The following AP1G1 variants were observed in gnomAD, a reference collection of about 807,000 sequenced individuals.
AP1G1 encodes AP-1 complex subunit gamma-1.
Under a neutral mutation model 108.3 loss-of-function variants are expected in AP1G1, and 7 were observed. The ratio of observed to expected loss-of-function variants is 0.06; its 90% CI spans 0.04 to 0.12. The LOEUF is 0.12. Ranked by LOEUF, AP1G1 falls within the 10% of genes least tolerant of loss-of-function variation. AP1G1 has a pLI of 1.00. For missense variants in AP1G1, 756 were observed against 1,010.7 expected, an observed-to-expected ratio of 0.75 and a Z score of 3.42; for synonymous variants, 379 against 353.5, an observed-to-expected ratio of 1.07 and a Z score of -0.81.
Position 71,780,925 on chromosome 16 carries a change from C to T in AP1G1, c.202-6333G>A, listed in dbSNP as rs143882041. On this transcript the variant is annotated intron_variant, in intron 2 of 22. Transcript: ENST00000299980. The stretch of plus-strand genomic sequence containing the variant: ...GTCAAACTCCTGAGCTCAGGCCATC[C>T]GCCTGCCTCAGCTTCCTAAAGTGCT... Among the ~76,000 whole-genome samples the T allele has an allele frequency of 4.4e-3, 666 of 152,082 alleles. 2 individuals carry two copies. Among genetic ancestry groups the T allele is most frequent in the Middle Eastern group, 0.01 (3 of 294 alleles).
At chr16:71,781,423 C>T (rs542420519) in intron 2 of AP1G1, among the ~76,000 whole-genome samples, 177 of 152,284 alleles carry the variant, frequency 1.2e-3, no homozygotes, top group African/African-American at 4.0e-3. Flanking sequence ...CTTAACATTT[C>T]ACCCTATTTA....
intron 19 of AP1G1, chr16:71,742,335 G>A (rs2029911019): frequency 1.3e-5 from 2 of 151,308 alleles, no homozygotes; most frequent in African/African-American, 4.9e-5. Flanking sequence ...CCTGGCAGAG[G>A]GCTACAAAAT....
rs1156791828 is a variant in AP1G1, at chr16:71,730,280, A to G, written c.*2778T>C. On this transcript the variant is annotated 3_prime_UTR_variant, in exon 23 of 23. Coordinates refer to ENST00000299980, the MANE Select transcript of AP1G1 (RefSeq NM_001128.6). Reference sequence around the variant, plus strand: ...CAGTTTTTTGAGATTACTTAGATGAATTAATTCTCCTTTAGGATTCCCCGG... The same window carrying G: ...CAGTTTTTTGAGATTACTTAGATGAGTTAATTCTCCTTTAGGATTCCCCGG... 1 of 151,768 alleles carries G rather than the reference A, an allele frequency of 6.6e-6. No individual in the cohort carries two copies. The highest frequency in any genetic ancestry group is 2.0e-4 in the East Asian group (1 of 5,076). 9.4% of individuals were successfully genotyped at this position (151,768 alleles called of 1,614,324 possible).
intron 1 of AP1G1, among the ~76,000 whole-genome samples, chr16:71,804,500 C>T (rs763543783): frequency 2.0e-5 from 3 of 151,458 alleles, no homozygotes; most frequent in Non-Finnish European, 2.9e-5. Context: ...CCTCCACCTC[C>T]CTGTTCAAGC....
At chr16:71,806,569 A>C (rs1164862968) in intron 1 of AP1G1, 9 of 558,042 alleles carry the variant, frequency 1.6e-5, no homozygotes, top group Non-Finnish European at 2.7e-6. Context: ...CCAATATATT[A>C]AAGCATGAAA....
At chr16:71,785,669 G>A (rs1326988741) in intron 2 of AP1G1, among the ~76,000 whole-genome samples, 1 of 151,512 alleles carries the variant, frequency 6.6e-6, no homozygotes, top group Non-Finnish European at 1.5e-5. Flanking sequence ...CAGATCACGA[G>A]GTCAGATCGA....
intron 1 of AP1G1, among the ~76,000 whole-genome samples, chr16:71,796,528 G>A (rs2032590012): frequency 6.6e-6 from 1 of 152,074 alleles, no homozygotes. Context: ...CCCCCCTTGT[G>A]AATTACAATA....
chr16:71,740,846 C>A (rs1349021984), intron 19 of AP1G1, among the ~76,000 whole-genome samples: 2 of 152,160 alleles, frequency 1.3e-5, no homozygotes, highest in Non-Finnish European at 2.9e-5. Flanking sequence ...AGAACATCAA[C>A]CCTCTTAATA....
chr16:71,801,124 T>G (rs2032781828), intron 1 of AP1G1, among the ~76,000 whole-genome samples: 1 of 152,212 alleles, frequency 6.6e-6, no homozygotes, highest in East Asian at 1.9e-4. Context: ...CAGGCCAACA[T>G]GGCGAAACCT....
chr16:71,764,455 A>C lies in AP1G1; in HGVS notation c.820-7T>G, dbSNP rs1597058791. 2 of 1,557,770 alleles carry C rather than the reference A, an allele frequency of 1.3e-6. No individual in the cohort carries two copies. Among genetic ancestry groups the C allele is most frequent in the Non-Finnish European group, 1.8e-6 (2 of 1,132,152 alleles). ...TCTCAGTATTAGTGGCAACCTGAAA[A>C]GACATATCGAGGGCAGTACATAAGT... is the stretch of plus-strand genomic sequence containing the variant. On this transcript the variant is annotated splice_region_variant and splice_polypyrimidine_tract_variant and intron_variant, in intron 8 of 22. Coordinates refer to ENST00000299980, the MANE Select transcript of AP1G1 (RefSeq NM_001128.6).
At chr16:71,766,812 G>T (rs1381732301) in intron 6 of AP1G1, among the ~76,000 whole-genome samples, 1 of 152,156 alleles carries the variant, frequency 6.6e-6, no homozygotes, top group African/African-American at 2.4e-5. Flanking sequence ...ATTTAAATAA[G>T]TTGAGCCATA....
chr16:71,740,614 A>G (rs1239924356), intron 19 of AP1G1, among the ~76,000 whole-genome samples: 2 of 152,256 alleles, frequency 1.3e-5, no homozygotes, highest in African/African-American at 2.4e-5. Context: ...TGGATTATTC[A>G]TAACTCATTC....
intron 2 of AP1G1, among the ~76,000 whole-genome samples, chr16:71,782,173 T>C (rs1333939537): frequency 6.6e-6 from 1 of 152,178 alleles, no homozygotes; most frequent in African/African-American, 2.4e-5. Context: ...TTATTATCCT[T>C]TTTTTATTGA....
In AP1G1 at chr16:71,745,150, G is replaced by C. The variant is rs375735707; in HGVS notation, c.1993C>G (p.Leu665Val). The C allele has an allele frequency of 6.2e-7, 1 of 1,614,092 alleles. No homozygotes were observed. The highest frequency in any genetic ancestry group is 8.5e-7 in the Non-Finnish European group (1 of 1,180,020). ...ELLDLLGDIN[L>V]TGAPAAAPAP... ...TAGCTCCAGACTGCCTCACCTGTAA[G>C]GTTGATGTCTCCCAGCAAATCAAGA... is the stretch of plus-strand genomic sequence containing the variant. The change falls in exon 19 of 23, where the codon CTT becomes GTT. Residue 665 changes from leucine (L) to valine (V), a missense_variant. Physicochemically the swap from Leu to Val is conservative, Grantham distance 32 (BLOSUM62 1). Around this residue, in one of 3 missense-constraint regions of AP1G1, gnomAD observed 357 missense variants for 366.5 expected, o/e 0.97. Coordinates refer to ENST00000299980, the MANE Select transcript of AP1G1 (RefSeq NM_001128.6).
chr16:71,741,341 G>C (rs1467160692), intron 19 of AP1G1, among the ~76,000 whole-genome samples: 4 of 152,190 alleles, frequency 2.6e-5, no homozygotes, highest in African/African-American at 9.6e-5. Context: ...CCAGCACTTT[G>C]GGAGGTCGAG....
intron 1 of AP1G1, among the ~76,000 whole-genome samples, chr16:71,794,638 C>A (rs765276343): frequency 1.3e-5 from 2 of 151,132 alleles, no homozygotes; most frequent in East Asian, 3.9e-4. Flanking sequence ...ACTTTATATG[C>A]CCAAAGAATC....
chr16:71,766,560 T>C, intron 6 of AP1G1: 1 of 370,026 alleles, frequency 2.7e-6, no homozygotes, highest in Non-Finnish European at 5.6e-6. Flanking sequence ...TGACCAAAAA[T>C]TAAGTTAAAT....
chr16:71,745,007 G>C (rs1196353399), intron 19 of AP1G1, 137 bp downstream of exon 19: 1 of 897,740 alleles, frequency 1.1e-6, no homozygotes, highest in Admixed American at 2.4e-5. Context: ...CGGATATTGT[G>C]AAGATTTGAC....
At chr16:71,767,173 C>T (rs181378625) in intron 6 of AP1G1, among the ~76,000 whole-genome samples, 1 of 152,182 alleles carries the variant, frequency 6.6e-6, no homozygotes, top group Admixed American at 6.5e-5. Context: ...GCCAAAAAGG[C>T]CAGCACATCA....
Sources: gnomAD v4.1 joint callset for allele counts (sites outside exome capture counted in the v4.1 genomes callset) on GRCh38, gnomAD v4.1.1 for gene constraint, gnomAD v4.1.1 regional missense constraint, MANE v1.5 for transcripts, NCBI Gene and HGNC (gene_info 2026-07-23, HGNC 2026-07-21) for gene names.